Variants in C1orf21 observed in about 807,000 individuals in gnomAD.
C1orf21 encodes uncharacterized protein C1orf21.
In C1orf21, 3 loss-of-function variants were observed where a neutral mutation model predicts 18.7. The observed-to-expected ratio is 0.16, with a 90% confidence interval of 0.07 to 0.42. The LOEUF is 0.42. Ranked by LOEUF, C1orf21 falls within the 10% of genes least tolerant of loss-of-function variation. The probability of loss-of-function intolerance (pLI) is 0.99; values close to 1 mark genes in which losing one functional copy is unlikely to be tolerated. For missense variants in C1orf21, 104 were observed against 143.6 expected (o/e 0.72, Z 1.41); for synonymous variants, 41 against 46.4 (o/e 0.88, Z 0.47).
chr1:184,610,854 A>T lies in C1orf21; in HGVS notation c.328-8664A>T, dbSNP rs939281759. 4.6e-5 allele frequency among the ~76,000 whole-genome samples: 7 copies of T among 152,152 alleles called. No homozygotes were observed. The South Asian group carries it at 1.5e-3, about 32-fold the overall frequency. On this transcript the variant is annotated intron_variant, in intron 5 of 5. Coordinates refer to ENST00000235307, the MANE Select transcript of C1orf21 (RefSeq NM_030806.4). ...AGAGCGAGACTCTGACTCAAAAAAAAAAAAAAAAAGGCTTCTAAAATATCC... is the reference window on the plus strand; with the variant it reads ...AGAGCGAGACTCTGACTCAAAAAAATAAAAAAAAAGGCTTCTAAAATATCC...
chr1:184,501,700 A>T (rs905848734), intron 2 of C1orf21, among the ~76,000 whole-genome samples: 2 of 152,224 alleles, frequency 1.3e-5, no homozygotes, highest in Non-Finnish European at 2.9e-5. Flanking sequence ...AAACACAGAA[A>T]GGATAGCAGG....
At chr1:184,584,102 A>C (rs1571288927) in intron 3 of C1orf21, among the ~76,000 whole-genome samples, 1 of 137,614 alleles carries the variant, frequency 7.3e-6, no homozygotes, top group Admixed American at 7.3e-5. Context: ...CCCTCCTTCC[A>C]GCCCTGTTGG....
chr1:184,416,143 C>G (rs946071723), intron 1 of C1orf21, among the ~76,000 whole-genome samples: 2 of 152,142 alleles, frequency 1.3e-5, no homozygotes, highest in African/African-American at 4.8e-5. Flanking sequence ...CCCTGGCAAA[C>G]TGAATATCTC....
At chr1:184,559,578 C>T (rs371655293) in intron 3 of C1orf21, among the ~76,000 whole-genome samples, 35 of 131,726 alleles carry the variant, frequency 2.7e-4, no homozygotes, top group Middle Eastern at 3.7e-3. Context: ...CCCCTCCCTC[C>T]CTCTCTTCCT....
rs1659963506 is a variant in C1orf21, at chr1:184,623,837, A to T, written c.*4281A>T. On this transcript the variant is annotated 3_prime_UTR_variant, in exon 6 of 6. Coordinates refer to ENST00000235307, the MANE Select transcript of C1orf21 (RefSeq NM_030806.4). ...ATGGTAAAGATGAGGCTTATGAGTGAATACCTCTGGGACAAACCTTAGGAC... is the reference window on the plus strand; with the variant it reads ...ATGGTAAAGATGAGGCTTATGAGTGTATACCTCTGGGACAAACCTTAGGAC... The T allele has an allele frequency of 6.6e-6, 1 of 152,650 alleles. No homozygotes were observed. The highest frequency in any genetic ancestry group is 2.4e-5 in the African/African-American group (1 of 41,458). The allele number at this position is 152,650 out of a possible 1,614,324, so 9.5% of individuals were successfully genotyped here. A position where few individuals can be genotyped will look rare whatever the true frequency, so the allele number is the denominator to read the frequency against.
intron 1 of C1orf21, among the ~76,000 whole-genome samples, chr1:184,446,618 C>A (rs1489487194): frequency 1.3e-5 from 2 of 151,630 alleles, no homozygotes; most frequent in Non-Finnish European, 1.5e-5. Context: ...AAAAGAAAGA[C>A]AGACAGACGT....
At chr1:184,390,012 C>T (rs541009554) in intron 1 of C1orf21, among the ~76,000 whole-genome samples, 9 of 152,180 alleles carry the variant, frequency 5.9e-5, no homozygotes, top group Non-Finnish European at 1.2e-4. Context: ...AAGTTTCCTT[C>T]CAGCTCTACT....
chr1:184,430,640 G>A (rs1656725010), intron 1 of C1orf21, among the ~76,000 whole-genome samples: 1 of 152,180 alleles, frequency 6.6e-6, no homozygotes, highest in African/African-American at 2.4e-5. Context: ...GTCGAGACCT[G>A]TTAATTCAAG....
chr1:184,571,849 G>A (rs1659117992), intron 3 of C1orf21, among the ~76,000 whole-genome samples: 2 of 152,202 alleles, frequency 1.3e-5, no homozygotes, highest in African/African-American at 4.8e-5. Flanking sequence ...TGGACATGCA[G>A]AGTTTCTATC....
At chr1:184,569,956 C>T (rs949162005) in intron 3 of C1orf21, among the ~76,000 whole-genome samples, 3 of 152,174 alleles carry the variant, frequency 2.0e-5, no homozygotes, top group African/African-American at 7.2e-5. Flanking sequence ...GTAGCATGGA[C>T]ACTGCAGTCT....
chr1:184,526,822 T>C (rs1658384190), intron 3 of C1orf21, among the ~76,000 whole-genome samples: 1 of 152,126 alleles, frequency 6.6e-6, no homozygotes, highest in Non-Finnish European at 1.5e-5. Flanking sequence ...ATTCATTCAC[T>C]CCCTCAACAA....
At chr1:184,388,599 G>C (rs1200255013) in intron 1 of C1orf21, among the ~76,000 whole-genome samples, 2 of 151,748 alleles carry the variant, frequency 1.3e-5, no homozygotes, top group African/African-American at 2.4e-5. Flanking sequence ...ACACACCATA[G>C]ATTCCATGGA....
At chr1:184,410,663 ATTTTT>A (rs71297843) in intron 1 of C1orf21, among the ~76,000 whole-genome samples, 3 of 7,674 alleles carry the variant, frequency 3.9e-4, no homozygotes, top group African/African-American at 1.4e-3. Flanking sequence ...ATATATATAT[ATTTTT>A]TTTTTTTTTT....
At chr1:184,592,559 GTGTT>G (rs1659454130) in intron 4 of C1orf21, among the ~76,000 whole-genome samples, 3 of 152,158 alleles carry the variant, frequency 2.0e-5, no homozygotes, top group Non-Finnish European at 4.4e-5. Context: ...ATCTCTATTA[GTGTT>G]TCACCTAAAT....
At chr1:184,464,352 T>C (rs190409476) in intron 1 of C1orf21, among the ~76,000 whole-genome samples, 31 of 152,342 alleles carry the variant, frequency 2.0e-4, no homozygotes, top group Admixed American at 3.9e-4. Flanking sequence ...GGGATAATTA[T>C]GGGGTGTGCT....
At chr1:184,568,484 C>T (rs1295503764) in intron 3 of C1orf21, 1 of 469,918 alleles carries the variant, frequency 2.1e-6, no homozygotes, top group Non-Finnish European at 4.4e-6. Flanking sequence ...TTATGTGATA[C>T]TGTGAGTATT....
At chr1:184,450,449 A>C (rs1221455389) in intron 1 of C1orf21, among the ~76,000 whole-genome samples, 1 of 152,186 alleles carries the variant, frequency 6.6e-6, no homozygotes, top group Non-Finnish European at 1.5e-5. Context: ...TATGCATTTT[A>C]ATGAATGTCA....
chr1:184,525,348 T>G (rs1658363411), intron 3 of C1orf21, among the ~76,000 whole-genome samples: 1 of 152,170 alleles, frequency 6.6e-6, no homozygotes, highest in Non-Finnish European at 1.5e-5. Context: ...TGTGATTGAA[T>G]TATGATTTTC....
chr1:184,539,600 G>A (rs916080133), intron 3 of C1orf21, among the ~76,000 whole-genome samples: 3 of 152,226 alleles, frequency 2.0e-5, no homozygotes, highest in Non-Finnish European at 4.4e-5. Flanking sequence ...GAACTCACCA[G>A]TGAAGCAATC....
Sources: allele counts gnomAD v4.1 joint callset (sites outside exome capture counted in the v4.1 genomes callset), GRCh38; gene constraint gnomAD v4.1.1; transcripts MANE v1.5; gene names NCBI Gene and HGNC (gene_info 2026-07-23, HGNC 2026-07-21).